LSAMP: variants seen among roughly 807,000 people sequenced by gnomAD.
LSAMP encodes the protein limbic system-associated membrane protein.
In LSAMP, 7 loss-of-function variants were observed where a neutral mutation model predicts 38.6. That is an observed-to-expected ratio of 0.18 (90% confidence interval 0.10 to 0.34). The LOEUF (loss-of-function observed/expected upper bound fraction) is 0.34, where lower values mean the gene tolerates loss of function less well. LSAMP is among the 10% of genes least tolerant of loss of function. The pLI, the probability that LSAMP is intolerant of heterozygous loss-of-function variation, is 1.00. For synonymous variants in LSAMP, 154 were observed against 166.8 expected (o/e 0.92, Z 0.59); for missense variants, 313 against 420.0 (o/e 0.75, Z 2.23).
At chr3:116,283,906 T>G (rs2047160859) in intron 1 of LSAMP, among the ~76,000 whole-genome samples, 2 of 152,120 alleles carry the variant, frequency 1.3e-5, no homozygotes, top group African/African-American at 4.8e-5. Context: ...CTTGGGAGGC[T>G]GAGGTAGAAG....
chr3:116,171,942 T>A (rs549291752), intron 1 of LSAMP, among the ~76,000 whole-genome samples: 1 of 152,066 alleles, frequency 6.6e-6, no homozygotes, highest in Non-Finnish European at 1.5e-5. Context: ...GGATCCTTCA[T>A]GGGGTGAGCA....
At chr3:116,208,821 T>C (rs1345799290) in intron 1 of LSAMP, among the ~76,000 whole-genome samples, 2 of 152,172 alleles carry the variant, frequency 1.3e-5, no homozygotes, top group Non-Finnish European at 2.9e-5. Flanking sequence ...GACAGGGACA[T>C]TTAAGTTTGC....
At chr3:116,145,114 GA>G (rs1187450568) in intron 1 of LSAMP, among the ~76,000 whole-genome samples, 1 of 151,698 alleles carries the variant, frequency 6.6e-6, no homozygotes, top group Non-Finnish European at 1.5e-5. Context: ...TGGCTTTGTG[GA>G]AATTTGCTTT....
At chr3:116,341,162 A>C (rs987013542) in intron 1 of LSAMP, among the ~76,000 whole-genome samples, 1 of 152,020 alleles carries the variant, frequency 6.6e-6, no homozygotes, top group African/African-American at 2.4e-5. Context: ...AAAATATAGA[A>C]ATATCAGCAA....
intron 1 of LSAMP, among the ~76,000 whole-genome samples, chr3:116,305,130 TC>T (rs2047465205): frequency 6.6e-6 from 1 of 152,086 alleles, no homozygotes; most frequent in Non-Finnish European, 1.5e-5. Context: ...CCTTCCCTAT[TC>T]CCAGAGAAAT....
chr3:115,896,925 G>T (rs1476335142), intron 3 of LSAMP, among the ~76,000 whole-genome samples: 3 of 152,052 alleles, frequency 2.0e-5, no homozygotes, highest in Non-Finnish European at 4.4e-5. Flanking sequence ...AGAACTTCTT[G>T]TCCTCCTTGG....
chr3:116,098,201 G>A (rs970533013), intron 1 of LSAMP, among the ~76,000 whole-genome samples: 7 of 151,534 alleles, frequency 4.6e-5, no homozygotes, highest in African/African-American at 1.2e-4. Flanking sequence ...CGATGGATGC[G>A]TATAAATCAC....
chr3:116,193,433 G>A (rs868192268), intron 1 of LSAMP, among the ~76,000 whole-genome samples: 1 of 152,212 alleles, frequency 6.6e-6, no homozygotes, highest in Middle Eastern at 3.4e-3. Flanking sequence ...AAAAGCATTT[G>A]TTTTTGAAAA....
chr3:116,428,540 T>TA (rs1409185706), intron 1 of LSAMP, among the ~76,000 whole-genome samples: 3 of 152,158 alleles, frequency 2.0e-5, no homozygotes, highest in African/African-American at 7.2e-5. Context: ...TTTTTCATTA[T>TA]ACAAGAGACT....
At chr3:116,129,368 T>A (rs1011571306) in intron 1 of LSAMP, among the ~76,000 whole-genome samples, 1 of 152,204 alleles carries the variant, frequency 6.6e-6, no homozygotes, top group African/African-American at 2.4e-5. Context: ...AGGTTCTGAT[T>A]AAATATTTGC....
At chr3:116,247,294 T>C (rs1165064247) in intron 1 of LSAMP, among the ~76,000 whole-genome samples, 1 of 152,196 alleles carries the variant, frequency 6.6e-6, no homozygotes, top group Non-Finnish European at 1.5e-5. Context: ...AACTCACTAC[T>C]GTACTCTATC....
intron 1 of LSAMP, among the ~76,000 whole-genome samples, chr3:116,413,096 A>G (rs2107842962): frequency 6.6e-6 from 1 of 152,188 alleles, no homozygotes; most frequent in African/African-American, 2.4e-5. Flanking sequence ...CACATCTTCC[A>G]GGTGATTCTG....
chr3:116,413,472 G>C (rs566376153), intron 1 of LSAMP, among the ~76,000 whole-genome samples: 45 of 151,972 alleles, frequency 3.0e-4, no homozygotes, highest in Non-Finnish European at 5.9e-4. Flanking sequence ...ATGCTCAAAG[G>C]CTCTCCCCGT....
intron 1 of LSAMP, among the ~76,000 whole-genome samples, chr3:116,245,558 CA>C (rs2046594844): frequency 6.6e-6 from 1 of 152,178 alleles, no homozygotes; most frequent in Admixed American, 6.5e-5. Context: ...AAACTATATA[CA>C]ATTTCTCACT....
chr3:115,865,048 A>G (rs1935818309), intron 3 of LSAMP, among the ~76,000 whole-genome samples: 2 of 152,146 alleles, frequency 1.3e-5, no homozygotes, highest in South Asian at 2.1e-4. Flanking sequence ...CATTGCAACC[A>G]CTCAGAATAA....
At chr3:116,278,747 C>T (rs1471296407) in intron 1 of LSAMP, among the ~76,000 whole-genome samples, 3 of 152,168 alleles carry the variant, frequency 2.0e-5, no homozygotes, top group Non-Finnish European at 2.9e-5. Context: ...ACACCTAGCA[C>T]ATTGCTGTTG....
intron 1 of LSAMP, among the ~76,000 whole-genome samples, chr3:116,123,572 A>G (rs900698974): frequency 1.3e-5 from 2 of 152,236 alleles, no homozygotes; most frequent in Admixed American, 6.5e-5. Context: ...TTTAATTGCT[A>G]CACTCTTTCC....
chr3:116,309,101 G>T (rs1202691779), intron 1 of LSAMP, among the ~76,000 whole-genome samples: 1 of 151,982 alleles, frequency 6.6e-6, no homozygotes, highest in African/African-American at 2.4e-5. Context: ...AATAAAATGG[G>T]AATGTGATTC....
chr3:115,903,893 T>C (rs1936943422), intron 3 of LSAMP, among the ~76,000 whole-genome samples: 1 of 152,182 alleles, frequency 6.6e-6, no homozygotes, highest in African/African-American at 2.4e-5. Context: ...ATAACTTGTT[T>C]TTAAAAAATA....
Sources: allele counts gnomAD v4.1 joint callset (sites outside exome capture counted in the v4.1 genomes callset), GRCh38; gene constraint gnomAD v4.1.1; transcripts MANE v1.5; gene names NCBI Gene and HGNC (gene_info 2026-07-23, HGNC 2026-07-21).